The following MED12L variants were observed in gnomAD, a reference collection of about 807,000 sequenced individuals.
MED12L encodes mediator of RNA polymerase II transcription subunit 12-like protein.
A neutral mutation model predicts 281.3 loss-of-function variants in MED12L; 60 were observed. The ratio of observed to expected loss-of-function variants is 0.21; its 90% CI spans 0.17 to 0.26. The LOEUF (loss-of-function observed/expected upper bound fraction) is 0.26, where lower values mean the gene tolerates loss of function less well. Among genes scored for constraint, MED12L ranks in the 10% least tolerant of loss-of-function variants. The pLI is 1.00. For missense variants in MED12L, 2,146 were observed against 2,680.9 expected (o/e 0.80, Z 4.41); for synonymous variants, 974 against 987.2 (o/e 0.99, Z 0.25).
intron 16 of MED12L, among the ~76,000 whole-genome samples, chr3:151,239,235 T>TA (rs1026831067): frequency 2.0e-5 from 3 of 152,204 alleles, no homozygotes; most frequent in Non-Finnish European, 4.4e-5. Flanking sequence ...CACATAGACT[T>TA]AAAGGTCAAG....
chr3:151,243,843 C>G (rs375906121), intron 16 of MED12L, among the ~76,000 whole-genome samples: 1 of 150,790 alleles, frequency 6.6e-6, no homozygotes, highest in Non-Finnish European at 1.5e-5. Context: ...AGAGTCAAGA[C>G]CCATCAGTGT....
chr3:151,221,158 G>A (rs1427341512), intron 16 of MED12L, among the ~76,000 whole-genome samples: 3 of 152,292 alleles, frequency 2.0e-5, no homozygotes, highest in African/African-American at 4.8e-5. Flanking sequence ...GAACTTGAGG[G>A]AGATGATTTA....
chr3:151,232,062 G>A (rs565895275), intron 16 of MED12L, among the ~76,000 whole-genome samples: 6 of 152,238 alleles, frequency 3.9e-5, no homozygotes, highest in East Asian at 1.9e-4. Flanking sequence ...GACAGGTAAC[G>A]AATGCCTAAT....
intron 43 of MED12L, among the ~76,000 whole-genome samples, chr3:151,427,682 T>A (rs1207845777): frequency 6.6e-6 from 1 of 152,236 alleles, no homozygotes; most frequent in Non-Finnish European, 1.5e-5. Flanking sequence ...TATTTCTGAA[T>A]AAGTTGATAT....
At chr3:151,332,628 A>C (rs1316186843) in intron 16 of MED12L, among the ~76,000 whole-genome samples, 4 of 152,238 alleles carry the variant, frequency 2.6e-5, no homozygotes, top group Non-Finnish European at 5.9e-5. Context: ...ATATAGTAGA[A>C]AGTGAAAGTT....
intron 29 of MED12L, 44 bp downstream of exon 29, chr3:151,376,918 A>G (rs762503850): frequency 6.2e-7 from 1 of 1,612,200 alleles, no homozygotes; most frequent in South Asian, 1.1e-5. Context: ...AATTTTATAA[A>G]AAGCAAAAAC....
At chr3:151,248,553 G>T (rs1219734207) in intron 16 of MED12L, among the ~76,000 whole-genome samples, 3 of 151,844 alleles carry the variant, frequency 2.0e-5, no homozygotes, top group African/African-American at 7.3e-5. Context: ...TACTAATTTT[G>T]TCACTACCCA....
At chr3:151,202,390 G>C (rs973669016) in intron 16 of MED12L, among the ~76,000 whole-genome samples, 2 of 152,200 alleles carry the variant, frequency 1.3e-5, no homozygotes, top group Admixed American at 1.3e-4. Flanking sequence ...AAATAAACTG[G>C]CTGGGCACAG....
intron 11 of MED12L, among the ~76,000 whole-genome samples, chr3:151,175,759 GAGAA>G (rs1164359465): frequency 2.0e-4 from 30 of 152,210 alleles, no homozygotes; most frequent in Admixed American, 2.0e-4. Context: ...GCTCTTCCCT[GAGAA>G]AGAAGAATGT....
chr3:151,143,840 T>C (rs1717385505), intron 5 of MED12L, among the ~76,000 whole-genome samples: 2 of 152,184 alleles, frequency 1.3e-5, no homozygotes, highest in South Asian at 4.1e-4. Flanking sequence ...TGGTGTCACA[T>C]GTAGAAGGCT....
chr3:151,368,179 G>A lies in MED12L; in HGVS notation c.3478G>A (p.Ala1160Thr). 6.2e-7 allele frequency: 1 copy of A among 1,614,026 alleles called. No homozygotes were observed. Among genetic ancestry groups the A allele is most frequent in the Non-Finnish European group, 8.5e-7 (1 of 1,179,972 alleles). The part of the protein sequence containing the change: ...ACGDADAEPG[A>T]RMTCRLLLHL... ...TGGGGATGCGGACGCCGAGCCTGGGGCGAGAATGACATGCCGACTCTTGCT... is the reference window on the plus strand; with the variant it reads ...TGGGGATGCGGACGCCGAGCCTGGGACGAGAATGACATGCCGACTCTTGCT... Residue 1160 changes from alanine to threonine, a missense_variant, in exon 25 of 45, where the codon GCG becomes ACG. By Grantham distance (58) the Ala-to-Thr change is moderately conservative. Coordinates refer to ENST00000687756, the MANE Select transcript of MED12L (RefSeq NM_001393769.1).
At chr3:151,190,605 T>C (rs1268720413) in intron 13 of MED12L, 112 bp from the exon 14 acceptor site, 5 of 986,974 alleles carry the variant, frequency 5.1e-6, no homozygotes, top group Non-Finnish European at 7.5e-6. Flanking sequence ...ATAGATCTTT[T>C]TTTTCCCCAG....
At chr3:151,180,340 C>T (rs776047514) in intron 11 of MED12L, among the ~76,000 whole-genome samples, 1 of 152,076 alleles carries the variant, frequency 6.6e-6, no homozygotes, top group Non-Finnish European at 1.5e-5. Context: ...CAGGAGATAC[C>T]GAAGGGGTGG....
intron 20 of MED12L, 89 bp from the exon 21 acceptor site, chr3:151,360,378 TACCCAAG>T: frequency 8.9e-7 from 1 of 1,122,496 alleles, no homozygotes; most frequent in Admixed American, 2.3e-5. Context: ...TCCTTTTTCT[TACCCAAG>T]TGATACATAT....
intron 5 of MED12L, among the ~76,000 whole-genome samples, chr3:151,155,398 G>C (rs1354417392): frequency 6.6e-6 from 1 of 152,158 alleles, no homozygotes; most frequent in Non-Finnish European, 1.5e-5. Context: ...TTTTTTTCCT[G>C]TTGCTACTTT....
intron 16 of MED12L, among the ~76,000 whole-genome samples, chr3:151,226,710 A>G (rs1577032680): frequency 6.6e-6 from 1 of 152,218 alleles, no homozygotes; most frequent in African/African-American, 2.4e-5. Context: ...CATGAGGTGG[A>G]TGCCTTCAGT....
intron 19 of MED12L, among the ~76,000 whole-genome samples, chr3:151,356,334 A>G (rs572255138): frequency 6.6e-6 from 1 of 152,260 alleles, no homozygotes; most frequent in South Asian, 2.1e-4. Flanking sequence ...CAAGGATGCA[A>G]TAAGCCATGA....
chr3:151,087,511 T>C (rs1003907723), intron 2 of MED12L, among the ~76,000 whole-genome samples: 1 of 152,246 alleles, frequency 6.6e-6, no homozygotes, highest in African/African-American at 2.4e-5. Context: ...AAGTCGTTTT[T>C]ATCGAAGTGA....
intron 11 of MED12L, among the ~76,000 whole-genome samples, chr3:151,182,948 T>C (rs1380282239): frequency 6.6e-6 from 1 of 152,144 alleles, no homozygotes; most frequent in African/African-American, 2.4e-5. Flanking sequence ...TATGTATAAA[T>C]AGGGCAGAAC....
Sources: allele counts gnomAD v4.1 joint callset (sites outside exome capture counted in the v4.1 genomes callset), GRCh38; gene constraint gnomAD v4.1.1; transcripts MANE v1.5; gene names NCBI Gene and HGNC (gene_info 2026-07-23, HGNC 2026-07-21).